Variants in TLL1 observed in about 807,000 individuals in gnomAD.
TLL1 encodes tolloid like 1, also known as tolloid-like protein 1.
A neutral mutation model predicts 128.2 loss-of-function variants in TLL1; 49 were observed. The observed-to-expected ratio is 0.38, with a 90% CI of 0.30 to 0.48. TLL1 has a LOEUF of 0.48. TLL1 is among the 20% of genes least tolerant of loss of function. The probability of loss-of-function intolerance (pLI) is 0.96; values close to 1 mark genes in which losing one functional copy is unlikely to be tolerated. For synonymous variants in TLL1, 454 were observed against 418.8 expected (o/e 1.08, Z -1.03); for missense variants, 1,123 against 1,242.0 (o/e 0.90, Z 1.44).
intron 1 of TLL1, among the ~76,000 whole-genome samples, chr4:165,886,237 T>C (rs1731159347): frequency 6.6e-6 from 1 of 152,176 alleles, no homozygotes; most frequent in Admixed American, 6.5e-5. Flanking sequence ...TTTAATTATA[T>C]TATCTTGGTC....
intron 1 of TLL1, among the ~76,000 whole-genome samples, chr4:165,914,951 T>C (rs1257310484): frequency 2.0e-5 from 3 of 152,210 alleles, no homozygotes; most frequent in Non-Finnish European, 4.4e-5. Context: ...AAGAGATCCA[T>C]GGAGAATTGT....
At chr4:165,952,899 C>T (rs1734593555) in intron 1 of TLL1, among the ~76,000 whole-genome samples, 1 of 152,014 alleles carries the variant, frequency 6.6e-6, no homozygotes, top group Non-Finnish European at 1.5e-5. Flanking sequence ...TTAAAAGAAA[C>T]AGAAAACTTG....
intron 16 of TLL1, among the ~76,000 whole-genome samples, chr4:166,068,411 T>G (rs892420004): frequency 1.3e-5 from 2 of 151,848 alleles, no homozygotes; most frequent in Admixed American, 1.3e-4. Context: ...TTCAGTGTGA[T>G]AATATATAAT....
chr4:166,062,793 T>C (rs1740389103), intron 15 of TLL1, among the ~76,000 whole-genome samples: 1 of 152,166 alleles, frequency 6.6e-6, no homozygotes, highest in Non-Finnish European at 1.5e-5. Context: ...CCCTGTCTTG[T>C]GCCAGTTTTC....
At chr4:165,944,949 A>T (rs2110929178) in intron 1 of TLL1, among the ~76,000 whole-genome samples, 1 of 152,248 alleles carries the variant, frequency 6.6e-6, no homozygotes, top group East Asian at 1.9e-4. Flanking sequence ...AATTCAACAA[A>T]TGAACTTGGT....
At position 166,065,668 on chromosome 4, in the gene TLL1, C is replaced by T; in HGVS notation, c.2008-15C>T. On this transcript the variant is annotated splice_polypyrimidine_tract_variant and intron_variant, in intron 15 of 20. Coordinates refer to ENST00000061240, the MANE Select transcript of TLL1 (RefSeq NM_012464.5). ...ACTCACAAATCTGGCAACTGATAAC[C>T]ACATTTTTTTCTAGGTTTGCAAATA... 6.2e-7 allele frequency: 1 copy of T among 1,612,424 alleles called. No individual in the cohort carries two copies. The highest frequency in any genetic ancestry group is 8.5e-7 in the Non-Finnish European group (1 of 1,179,008).
At chr4:166,051,642 A>T (rs1739743498) in intron 12 of TLL1, among the ~76,000 whole-genome samples, 1 of 152,206 alleles carries the variant, frequency 6.6e-6, no homozygotes, top group Admixed American at 6.5e-5. Context: ...CAAATGGAGT[A>T]AATTCATTGT....
chr4:166,098,729 A>G (rs1178068351), intron 19 of TLL1, among the ~76,000 whole-genome samples: 4 of 152,118 alleles, frequency 2.6e-5, no homozygotes, highest in African/African-American at 9.6e-5. Flanking sequence ...TCTATATAAC[A>G]CAAACACACG....
rs78258996 is a variant in TLL1, at chr4:166,091,584, A to G, written c.2656+243A>G. Among the ~76,000 whole-genome samples, 9 of 152,224 alleles carry G rather than the reference A, an allele frequency of 5.9e-5. No individual in the cohort carries two copies. The East Asian group carries it at 1.2e-3, about 20-fold the overall frequency. The stretch of plus-strand genomic sequence containing the variant: ...TGTGATCAGTGCAGTTTGTTTAAGT[A>G]GAACAGTGCAGTTTGTTTAAGTAGA... On this transcript the variant is annotated intron_variant, in intron 19 of 20. Coordinates refer to ENST00000061240, the MANE Select transcript of TLL1 (RefSeq NM_012464.5).
chr4:165,902,487 C>T (rs550571639), intron 1 of TLL1, among the ~76,000 whole-genome samples: 1 of 152,230 alleles, frequency 6.6e-6, no homozygotes, highest in South Asian at 2.1e-4. Context: ...CCAGAATGCA[C>T]CGTTCCTCAC....
intron 12 of TLL1, among the ~76,000 whole-genome samples, chr4:166,046,591 T>C (rs958947238): frequency 6.6e-6 from 1 of 152,174 alleles, no homozygotes; most frequent in African/African-American, 2.4e-5. Flanking sequence ...TTCACAGACA[T>C]GTACACAGCA....
chr4:165,988,926 C>A (rs1035086987), intron 1 of TLL1, among the ~76,000 whole-genome samples: 1 of 151,980 alleles, frequency 6.6e-6, no homozygotes, highest in Non-Finnish European at 1.5e-5. Flanking sequence ...CTTGATTGCA[C>A]CTTGCATTAT....
intron 1 of TLL1, among the ~76,000 whole-genome samples, chr4:165,977,465 T>A (rs1735941385): frequency 6.6e-6 from 1 of 152,100 alleles, no homozygotes; most frequent in Non-Finnish European, 1.5e-5. Context: ...ACCTCTTTCC[T>A]TTATAAATTA....
In TLL1 at chr4:165,943,640, C is replaced by T. The variant is rs535289708; in HGVS notation, c.170-45741C>T. 2.0e-4 allele frequency among the ~76,000 whole-genome samples: 30 copies of T among 151,938 alleles called. No individual in the cohort carries two copies. In the South Asian group the frequency reaches 3.3e-3, roughly 17 times the overall value. On this transcript the variant is annotated intron_variant, in intron 1 of 20. Coordinates refer to ENST00000061240, the MANE Select transcript of TLL1 (RefSeq NM_012464.5). ...TGGTTATTTGGAAATTGTTTCCTAT[C>T]GTCTTCCTAAGCCACATTTGGAAAA... is the stretch of plus-strand genomic sequence containing the variant.
At chr4:166,032,409 A>G (rs896811617) in intron 9 of TLL1, among the ~76,000 whole-genome samples, 2 of 152,050 alleles carry the variant, frequency 1.3e-5, no homozygotes, top group African/African-American at 2.4e-5. Flanking sequence ...AATATGGGGG[A>G]GTGGGTTGCA....
At chr4:166,062,602 C>G (rs1740374244) in intron 15 of TLL1, among the ~76,000 whole-genome samples, 1 of 152,144 alleles carries the variant, frequency 6.6e-6, no homozygotes, top group Non-Finnish European at 1.5e-5. Context: ...TGGTTTTCAG[C>G]TTATGGAGAT....
At position 165,994,405 on chromosome 4, in the gene TLL1, A is replaced by C. The variant is rs1386060177; in HGVS notation, c.386A>C (p.Lys129Thr). ...GGCTTGGAGCAAAACAACACAGTTA[A>C]GGGAAAAGTACCTCTACAATTCTCA... ...GFGLEQNNTV[K>T]GKVPLQFSGQ... The change falls in exon 4 of 21, where the codon AAG becomes ACG. Residue 129 changes from lysine to threonine, a missense_variant. By Grantham distance (78) the Lys-to-Thr change is moderately conservative. Transcript: ENST00000061240. 1 of 1,614,048 alleles carries C rather than the reference A, an allele frequency of 6.2e-7. No individual in the cohort carries two copies. The highest frequency in any genetic ancestry group is 2.2e-5 in the East Asian group (1 of 44,844).
At chr4:166,060,696 T>A (rs1740270098) in intron 15 of TLL1, among the ~76,000 whole-genome samples, 1 of 152,214 alleles carries the variant, frequency 6.6e-6, no homozygotes, top group Admixed American at 6.6e-5. Context: ...TATCCTTTTT[T>A]AATGCAGAAT....
At chr4:166,025,504 T>C (rs1738455979) in intron 9 of TLL1, 73 bp downstream of exon 9, 1 of 1,241,572 alleles carries the variant, frequency 8.1e-7, no homozygotes, top group Non-Finnish European at 1.2e-6. Flanking sequence ...CAAATATAAA[T>C]TTGCTTTATC....
Sources: allele counts gnomAD v4.1 joint callset (sites outside exome capture counted in the v4.1 genomes callset), GRCh38; gene constraint gnomAD v4.1.1; transcripts MANE v1.5; gene names NCBI Gene and HGNC (gene_info 2026-07-23, HGNC 2026-07-21).